The following LSAMP variants were observed in gnomAD, a reference collection of about 807,000 sequenced individuals.
LSAMP encodes the protein limbic system-associated membrane protein.
Under a neutral mutation model 38.6 loss-of-function variants are expected in LSAMP, and 7 were observed. The observed-to-expected ratio is 0.18, with a 90% CI of 0.10 to 0.34. The LOEUF is 0.34. LSAMP is among the 10% of genes least tolerant of loss of function. The pLI is 1.00. For synonymous variants in LSAMP, 154 were observed against 166.8 expected (o/e 0.92, Z 0.59); for missense variants, 313 against 420.0 (o/e 0.75, Z 2.23).
intron 3 of LSAMP, among the ~76,000 whole-genome samples, chr3:115,930,200 T>C (rs1937559995): frequency 1.3e-5 from 2 of 152,144 alleles, no homozygotes; most frequent in South Asian, 4.1e-4. Context: ...TCTCAGCACA[T>C]TGAATTACCA....
chr3:116,332,143 A>C, intron 1 of LSAMP, among the ~76,000 whole-genome samples: 1 of 151,808 alleles, frequency 6.6e-6, no homozygotes, highest in East Asian at 1.9e-4. Context: ...CCCGGCCTTC[A>C]CTCTATTGTT....
intron 1 of LSAMP, among the ~76,000 whole-genome samples, chr3:116,164,751 TATATA>T: frequency 1.9e-5 from 1 of 54,024 alleles, no homozygotes; most frequent in Non-Finnish European, 4.1e-5. Context: ...TCCATATATA[TATATA>T]TATATTTTTT....
intron 1 of LSAMP, among the ~76,000 whole-genome samples, chr3:116,272,727 G>T (rs1359196200): frequency 6.6e-6 from 1 of 152,094 alleles, no homozygotes; most frequent in Admixed American, 6.6e-5. Context: ...ACAGGTTCAG[G>T]ATACACAAAT....
At chr3:115,908,832 C>T (rs1937072561) in intron 3 of LSAMP, among the ~76,000 whole-genome samples, 1 of 152,136 alleles carries the variant, frequency 6.6e-6, no homozygotes, top group Non-Finnish European at 1.5e-5. Flanking sequence ...TGCAGCTTGC[C>T]TGTCGTCATC....
intron 1 of LSAMP, among the ~76,000 whole-genome samples, chr3:116,280,752 T>TATCA (rs1326904395): frequency 7.2e-5 from 11 of 152,242 alleles, no homozygotes; most frequent in Non-Finnish European, 1.5e-4. Context: ...TGGTTCACTC[T>TATCA]ATCATGATTC....
At chr3:116,176,453 C>T (rs1710341231) in intron 1 of LSAMP, among the ~76,000 whole-genome samples, 1 of 152,112 alleles carries the variant, frequency 6.6e-6, no homozygotes, top group South Asian at 2.1e-4. Context: ...TGTTGCCCTG[C>T]CTCAACCGCT....
intron 1 of LSAMP, among the ~76,000 whole-genome samples, chr3:116,099,448 C>T (rs1007253502): frequency 9.2e-5 from 14 of 152,106 alleles, no homozygotes; most frequent in African/African-American, 2.2e-4. Flanking sequence ...GGTTAATTAT[C>T]GCCATTTAGT....
At chr3:116,353,041 G>A (rs1211029513) in intron 1 of LSAMP, among the ~76,000 whole-genome samples, 1 of 152,066 alleles carries the variant, frequency 6.6e-6, no homozygotes. Flanking sequence ...TACCCTTAGA[G>A]TTTTCTCATT....
chr3:116,210,973 A>C (rs1274827472), intron 1 of LSAMP, among the ~76,000 whole-genome samples: 1 of 152,140 alleles, frequency 6.6e-6, no homozygotes, highest in African/African-American at 2.4e-5. Context: ...AATGTGGTAC[A>C]TACACACAAT....
intron 2 of LSAMP, among the ~76,000 whole-genome samples, chr3:116,042,480 A>C (rs1287364168): frequency 4.8e-5 from 7 of 145,210 alleles, no homozygotes; most frequent in South Asian, 2.1e-4. Flanking sequence ...GCCAGGCTGG[A>C]GTGCAGTGGC....
At chr3:116,377,259 A>G (rs1031194033) in intron 1 of LSAMP, among the ~76,000 whole-genome samples, 9 of 151,718 alleles carry the variant, frequency 5.9e-5, no homozygotes, top group Middle Eastern at 3.4e-3. Context: ...GCCCAAGTGT[A>G]TGTTGTTCCC....
At chr3:116,306,109 C>A (rs1344459816) in intron 1 of LSAMP, among the ~76,000 whole-genome samples, 2 of 151,880 alleles carry the variant, frequency 1.3e-5, no homozygotes, top group South Asian at 2.1e-4. Context: ...TTGTGCTAGA[C>A]CCTAAAGAAA....
At chr3:115,895,938 C>G (rs1936717778) in intron 3 of LSAMP, among the ~76,000 whole-genome samples, 1 of 151,906 alleles carries the variant, frequency 6.6e-6, no homozygotes, top group Admixed American at 6.6e-5. Flanking sequence ...TTATTTTTCC[C>G]TGAAGAGCCA....
At chr3:116,055,835 C>G (rs1242622781) in intron 2 of LSAMP, among the ~76,000 whole-genome samples, 1 of 152,190 alleles carries the variant, frequency 6.6e-6, no homozygotes, top group South Asian at 2.1e-4. Flanking sequence ...ATTTTTCAAG[C>G]TAAGGTTGCA....
intron 3 of LSAMP, among the ~76,000 whole-genome samples, chr3:115,915,098 T>C (rs1216954358): frequency 1.3e-5 from 2 of 152,224 alleles, no homozygotes; most frequent in Non-Finnish European, 2.9e-5. Context: ...TCTTACCCTT[T>C]CCTTGCTGTT....
chr3:116,177,519 T>C (rs1650843482), intron 1 of LSAMP, among the ~76,000 whole-genome samples: 1 of 152,148 alleles, frequency 6.6e-6, no homozygotes, highest in Non-Finnish European at 1.5e-5. Flanking sequence ...ATGTGATATA[T>C]GCATTTTACA....
intron 1 of LSAMP, among the ~76,000 whole-genome samples, chr3:116,432,476 A>G (rs956886502): frequency 6.6e-6 from 1 of 151,780 alleles, no homozygotes; most frequent in African/African-American, 2.4e-5. Flanking sequence ...TTAGATTTTG[A>G]GTTCTGTTTT....
intron 2 of LSAMP, among the ~76,000 whole-genome samples, chr3:116,084,640 C>T (rs1011705360): frequency 3.3e-5 from 5 of 151,962 alleles, no homozygotes; most frequent in African/African-American, 1.2e-4. Flanking sequence ...CTCAGATTGT[C>T]AAATTTATTC....
chr3:116,352,277 G>C (rs1369991316), intron 1 of LSAMP, among the ~76,000 whole-genome samples: 2 of 152,088 alleles, frequency 1.3e-5, no homozygotes, highest in African/African-American at 2.4e-5. Context: ...AGCCAGCGGA[G>C]AGCAAAGTTC....
Sources: gnomAD v4.1 joint callset for allele counts (sites outside exome capture counted in the v4.1 genomes callset) on GRCh38, gnomAD v4.1.1 for gene constraint, MANE v1.5 for transcripts, NCBI Gene and HGNC (gene_info 2026-07-23, HGNC 2026-07-21) for gene names.